CHAC2: variants seen among roughly 807,000 people sequenced by gnomAD.
CHAC2 encodes the protein glutathione-specific gamma-glutamylcyclotransferase 2.
CHAC2 carries 20 observed loss-of-function variants against 16.9 expected under a neutral mutation model. The ratio of observed to expected loss-of-function variants is 1.18; its 90% CI spans 0.83 to 1.72. CHAC2 has a LOEUF of 1.72. CHAC2 is among the 40% of genes most tolerant of loss of function. The probability of loss-of-function intolerance (pLI) is 0.00; values close to 1 mark genes in which losing one functional copy is unlikely to be tolerated. For missense variants in CHAC2, 269 were observed against 222.2 expected (o/e 1.21, Z -1.34); for synonymous variants, 91 against 77.3 (o/e 1.18, Z -0.93).
rs199814886 is a variant in CHAC2, at chr2:53,767,842, G to A, written c.-45G>A. The A allele has an allele frequency of 1.7e-4, 266 of 1,565,712 alleles. No homozygotes were observed. The highest frequency in any genetic ancestry group is 2.2e-4 in the Non-Finnish European group (253 of 1,153,176). On this transcript the variant is annotated 5_prime_UTR_variant, in exon 1 of 3. Coordinates refer to ENST00000295304, the MANE Select transcript of CHAC2 (RefSeq NM_001008708.4). ...AGGCTTCAGTCCCCGGCGGCGCGGCGACAGCTAGGGTTCACGGCCACTGGG... is the reference window on the plus strand; with the variant it reads ...AGGCTTCAGTCCCCGGCGGCGCGGCAACAGCTAGGGTTCACGGCCACTGGG...
rs756236000 is a variant in CHAC2 at position 53,767,980 on chromosome 2, TTC to T, written c.96_97del (p.Phe32LeufsTer22). 7.4e-4 allele frequency: 1,190 copies of T among 1,613,924 alleles called. 1 individual carries two copies. Among genetic ancestry groups the T allele is most frequent in the Non-Finnish European group, 9.6e-4 (1,137 of 1,179,996 alleles). ...VGYITNYSRR[F>X]WQGSTDHRGV... Reference sequence around the variant, plus strand: ...ATACATCACCAACTACAGCAGGCGCTTCTGGCAGGGCAGCACGGACCACCGCG... The same window carrying T: ...ATACATCACCAACTACAGCAGGCGCTTGGCAGGGCAGCACGGACCACCGCG... On this transcript the variant is annotated frameshift_variant, in exon 1 of 3. Transcript: ENST00000295304. LOFTEE classifies it high-confidence loss of function.
chr2:53,771,997 G>T, intron 2 of CHAC2, 55 bp downstream of exon 2: 1 of 987,318 alleles, frequency 1.0e-6, no homozygotes, highest in Non-Finnish European at 1.5e-6. Flanking sequence ...ATGTTGCGAT[G>T]TTTCTGTTTC....
intron 1 of CHAC2, 116 bp downstream of exon 1, chr2:53,768,137 C>T: frequency 8.3e-7 from 1 of 1,209,874 alleles, no homozygotes. Flanking sequence ...GGCCAAAGCA[C>T]ATGGCTTGGG....
Position 53,775,189 on chromosome 2 carries a change from A to G in CHAC2, c.*664A>G, listed in dbSNP as rs955618384. The stretch of plus-strand genomic sequence containing the variant: ...CATAAATTACATTATACAAATCATG[A>G]TCACTAATGATGTAGTCTGTCATTC... On this transcript the variant is annotated 3_prime_UTR_variant, in exon 3 of 3. Transcript: ENST00000295304. 6 of 152,728 alleles carry G rather than the reference A, an allele frequency of 3.9e-5. No individual in the cohort carries two copies. In the South Asian group the frequency reaches 1.2e-3, roughly 32 times the overall value. 9.5% of individuals were successfully genotyped at this position (152,728 alleles called of 1,614,324 possible). A position where few individuals can be genotyped will look rare whatever the true frequency, so the allele number is the denominator to read the frequency against.
chr2:53,771,294 T>A (rs1351785878), intron 1 of CHAC2, among the ~76,000 whole-genome samples: 2 of 152,080 alleles, frequency 1.3e-5, no homozygotes, highest in African/African-American at 4.8e-5. Flanking sequence ...ACGGGTGGAT[T>A]ACCTAAGGTC....
At chr2:53,768,165 T>C in intron 1 of CHAC2, 144 bp downstream of exon 1, 1 of 958,100 alleles carries the variant, frequency 1.0e-6, no homozygotes, top group Non-Finnish European at 1.5e-6. Context: ...TTCTGTAGAT[T>C]TTCCCTGCCA....
intron 1 of CHAC2, among the ~76,000 whole-genome samples, 191 bp from the exon 2 acceptor site, chr2:53,771,714 AAC>A (rs919273418): frequency 7.2e-5 from 11 of 152,320 alleles, no homozygotes; most frequent in Non-Finnish European, 1.3e-4. Context: ...TAGAAAGGCC[AAC>A]ACAGTCTCTA....
At chr2:53,772,211 G>GT (rs1431481181) in intron 2 of CHAC2, among the ~76,000 whole-genome samples, 1 of 152,040 alleles carries the variant, frequency 6.6e-6, no homozygotes, top group Non-Finnish European at 1.5e-5. Context: ...GTCTAGCTCT[G>GT]TCGCCCAGGC....
intron 1 of CHAC2, chr2:53,768,239 T>A: frequency 3.7e-6 from 2 of 546,052 alleles, no homozygotes; most frequent in Non-Finnish European, 6.3e-6. Flanking sequence ...TGCCGGTGGT[T>A]AGTCTCTAGA....
At chr2:53,769,019 T>A (rs1263376966) in intron 1 of CHAC2, among the ~76,000 whole-genome samples, 1 of 152,254 alleles carries the variant, frequency 6.6e-6, no homozygotes, top group African/African-American at 2.4e-5. Context: ...CTAGAGTTGG[T>A]CAGTTAAGAA....
At chr2:53,771,977 A>C (rs779425363) in intron 2 of CHAC2, 35 bp downstream of exon 2, 5 of 1,172,716 alleles carry the variant, frequency 4.3e-6, no homozygotes, top group Non-Finnish European at 6.0e-6. Flanking sequence ...TATAATTTTA[A>C]TTTTATAAAA....
At chr2:53,773,510 C>T (rs1674092601) in intron 2 of CHAC2, among the ~76,000 whole-genome samples, 1 of 151,982 alleles carries the variant, frequency 6.6e-6, no homozygotes, top group African/African-American at 2.4e-5. Context: ...GGCTCACTGC[C>T]ACCTCTGCCA....
chr2:53,774,426 T>A lies in CHAC2; in HGVS notation c.456T>A (p.Ile152=), dbSNP rs770021442. 2 of 1,611,974 alleles carry A rather than the reference T, an allele frequency of 1.2e-6. No homozygotes were observed. The highest frequency in any genetic ancestry group is 1.7e-6 in the Non-Finnish European group (2 of 1,179,588). Residue 152 remains isoleucine, a synonymous_variant, in exon 3 of 3, where the codon ATT becomes ATA. Coordinates refer to ENST00000295304, the MANE Select transcript of CHAC2 (RefSeq NM_001008708.4). ...TEYLFELANS[I]RNLVPEEADE... ...ATCTTTTTGAACTTGCAAATTCTAT[T>A]AGGAACCTTGTGCCAGAAGAAGCAG... is the stretch of plus-strand genomic sequence containing the variant.
Position 53,768,085 on chromosome 2 carries a change from C to T in CHAC2, c.135+64C>T, listed in dbSNP as rs1012519918. On this transcript the variant is annotated intron_variant, in intron 1 of 2. Transcript: ENST00000295304. Reference sequence around the variant, plus strand: ...GACCCCTGCTCCCCAACTCCACACACAGCACCCACACCCTAGAGAACCACA... The same window carrying T: ...GACCCCTGCTCCCCAACTCCACACATAGCACCCACACCCTAGAGAACCACA... 94 of 1,575,402 alleles carry T rather than the reference C, an allele frequency of 6.0e-5. 1 individual carries two copies. The East Asian group carries it at 1.4e-3, about 24-fold the overall frequency.
At chr2:53,769,031 T>C (rs973135263) in intron 1 of CHAC2, among the ~76,000 whole-genome samples, 4 of 152,252 alleles carry the variant, frequency 2.6e-5, no homozygotes, top group Non-Finnish European at 5.9e-5. Flanking sequence ...AGTTAAGAAC[T>C]TGGCTTTTAA....
In CHAC2 at chr2:53,771,952, A is replaced by G; in HGVS notation, c.171+10A>G. The G allele has an allele frequency of 6.8e-7, 1 of 1,460,596 alleles. No individual in the cohort carries two copies. The highest frequency in any genetic ancestry group is 2.4e-5 in the East Asian group (1 of 42,214). The allele number at this position is 1,460,596 out of a possible 1,614,324, so 90.5% of individuals were successfully genotyped here. ...TGTTGAAGATCCTGCGGTATGGTAT[A>G]AATATTCTTTTTTGTATAATTTTAA... On this transcript the variant is annotated intron_variant, in intron 2 of 2. Coordinates refer to ENST00000295304, the MANE Select transcript of CHAC2 (RefSeq NM_001008708.4).
At position 53,769,609 on chromosome 2, in the gene CHAC2, G is replaced by T. The variant is rs548971072; in HGVS notation, c.135+1588G>T. Reference sequence around the variant, plus strand: ...CGCCTATAATCCCAGCACTTTAGGAGGCCTAGGCGGGTGGATCACCTGAGG... The same window carrying T: ...CGCCTATAATCCCAGCACTTTAGGATGCCTAGGCGGGTGGATCACCTGAGG... On this transcript the variant is annotated intron_variant, in intron 1 of 2. Transcript: ENST00000295304. Among the ~76,000 whole-genome samples, 8 of 152,332 alleles carry T rather than the reference G, an allele frequency of 5.3e-5. No homozygotes were observed. In the South Asian group the frequency reaches 1.7e-3, roughly 32 times the overall value.
Position 53,774,759 on chromosome 2 carries a change from A to C in CHAC2, c.*234A>C. On this transcript the variant is annotated 3_prime_UTR_variant, in exon 3 of 3. Transcript: ENST00000295304. Reference sequence around the variant, plus strand: ...ATTGAACACTTACTCACTAGAAGTGAGTTCTTTAGAAAAATACAGTGAAGG... The same window carrying C: ...ATTGAACACTTACTCACTAGAAGTGCGTTCTTTAGAAAAATACAGTGAAGG... The C allele has an allele frequency of 2.8e-6, 1 of 355,914 alleles. No homozygotes were observed. Among genetic ancestry groups the C allele is most frequent in the Non-Finnish European group, 5.0e-6 (1 of 200,240 alleles). 22.0% of individuals were successfully genotyped at this position (355,914 alleles called of 1,614,324 possible).
rs778136759 is a variant in CHAC2 at position 53,774,169 on chromosome 2, T to C, written c.199T>C (p.Leu67=). The change falls in exon 3 of 3, where the codon TTG becomes CTG. Residue 67 remains leucine (L), a synonymous_variant. Transcript: ENST00000295304. ...AGCVWGVAYR[L]PVGKEEEVKA... is the part of the protein sequence containing the mutation. Reference sequence around the variant, plus strand: ...ATGTGTATGGGGTGTTGCTTACAGATTGCCAGTAGGAAAGGAAGAAGAAGT... The same window carrying C: ...ATGTGTATGGGGTGTTGCTTACAGACTGCCAGTAGGAAAGGAAGAAGAAGT... The C allele has an allele frequency of 1.6e-5, 25 of 1,611,196 alleles. No individual in the cohort carries two copies. In the Admixed American group the frequency reaches 3.4e-4, roughly 22 times the overall value.
Sources: gnomAD v4.1 joint callset for allele counts (sites outside exome capture counted in the v4.1 genomes callset) on GRCh38, gnomAD v4.1.1 for gene constraint, MANE v1.5 for transcripts, NCBI Gene and HGNC (gene_info 2026-07-23, HGNC 2026-07-21) for gene names.